The following SCFD1 variants were observed in gnomAD, a reference collection of about 807,000 sequenced individuals.
SCFD1 encodes sec1 family domain containing 1.
SCFD1 carries 37 observed loss-of-function variants against 103.2 expected under a neutral mutation model. The observed-to-expected ratio is 0.36, with a 90% CI of 0.28 to 0.47. The LOEUF (loss-of-function observed/expected upper bound fraction) is 0.47. SCFD1 is among the 20% of genes least tolerant of loss of function. The pLI is 1.00. For missense variants in SCFD1, 639 were observed against 761.2 expected (o/e 0.84, Z 1.89); for synonymous variants, 264 against 245.0 (o/e 1.08, Z -0.73).
At chr14:30,640,694 G>A (rs1481348372) in intron 6 of SCFD1, among the ~76,000 whole-genome samples, 1 of 151,198 alleles carries the variant, frequency 6.6e-6, no homozygotes, top group East Asian at 1.9e-4. Context: ...TTTTTTTTTA[G>A]GTACTGTACT....
At chr14:30,646,130 A>G (rs764355390) in intron 7 of SCFD1, among the ~76,000 whole-genome samples, 2 of 152,092 alleles carry the variant, frequency 1.3e-5, no homozygotes, top group Non-Finnish European at 2.9e-5. Context: ...GATTCAAGCA[A>G]TTCTGCCTCA....
intron 13 of SCFD1, among the ~76,000 whole-genome samples, 179 bp from the exon 14 acceptor site, chr14:30,674,805 G>C (rs529136375): frequency 6.6e-6 from 1 of 152,178 alleles, no homozygotes; most frequent in African/African-American, 2.4e-5. Flanking sequence ...CATTTCACCT[G>C]TATTAATAAA....
intron 1 of SCFD1, among the ~76,000 whole-genome samples, chr14:30,627,699 C>T (rs185150665): frequency 2.4e-3 from 346 of 146,822 alleles, no homozygotes; most frequent in African/African-American, 8.1e-3. Context: ...GCCGAGATCA[C>T]GCCATTGCAC....
intron 23 of SCFD1, among the ~76,000 whole-genome samples, chr14:30,727,604 C>T (rs1465781960): frequency 6.6e-6 from 1 of 152,130 alleles, no homozygotes. Context: ...TCTCTTGCTC[C>T]CAGGCTCTTA....
intron 4 of SCFD1, among the ~76,000 whole-genome samples, chr14:30,636,254 C>T (rs892745862): frequency 6.6e-6 from 1 of 151,674 alleles, no homozygotes; most frequent in African/African-American, 2.4e-5. Flanking sequence ...TTTGATGAAG[C>T]CCAGTTTATC....
At chr14:30,670,682 A>G (rs1157467950) in intron 11 of SCFD1, among the ~76,000 whole-genome samples, 2 of 152,068 alleles carry the variant, frequency 1.3e-5, no homozygotes, top group Non-Finnish European at 2.9e-5. Context: ...CACTGACTCT[A>G]TAAGACCATC....
In SCFD1 at chr14:30,643,417, A is replaced by G. The variant is rs1201221607; in HGVS notation, c.613+12A>G. The G allele has an allele frequency of 1.3e-6, 2 of 1,535,898 alleles. No homozygotes were observed. Among genetic ancestry groups the G allele is most frequent in the Non-Finnish European group, 1.8e-6 (2 of 1,108,924 alleles). On this transcript the variant is annotated intron_variant, in intron 7 of 24. Coordinates refer to ENST00000458591, the MANE Select transcript of SCFD1 (RefSeq NM_016106.4). ...TTTTGTTACTCTGGGTAAGTTTTCCAGTCTTTCTGGTTATTCTTCAAAGTA... is the reference window on the plus strand; with the variant it reads ...TTTTGTTACTCTGGGTAAGTTTTCCGGTCTTTCTGGTTATTCTTCAAAGTA...
At chr14:30,719,268 A>G in intron 20 of SCFD1, 57 bp from the exon 21 acceptor site, 1 of 1,115,310 alleles carries the variant, frequency 9.0e-7, no homozygotes, top group Admixed American at 2.1e-5. Context: ...TCTAAGCCAA[A>G]CTGACCTTCT....
At chr14:30,630,692 T>C (rs1884020520) in intron 3 of SCFD1, 127 bp downstream of exon 3, 1 of 605,342 alleles carries the variant, frequency 1.7e-6, no homozygotes, top group Non-Finnish European at 2.9e-6. Context: ...ATTCAACCCC[T>C]TATTTCTGGG....
At chr14:30,676,779 TAAAG>T (rs965891275) in intron 14 of SCFD1, 34 of 152,258 alleles carry the variant, frequency 2.2e-4, no homozygotes, top group Non-Finnish European at 4.3e-4. Flanking sequence ...TGTTTTAAAA[TAAAG>T]AAGACTGTGG....
chr14:30,664,515 G>T (rs1200329335), intron 10 of SCFD1, among the ~76,000 whole-genome samples: 1 of 152,092 alleles, frequency 6.6e-6, no homozygotes, highest in East Asian at 1.9e-4. Context: ...GCAGCTCCTC[G>T]CCAGCAACGG....
At position 30,705,870 on chromosome 14, in the gene SCFD1, C is replaced by A; in HGVS notation, c.1538C>A (p.Thr513Asn). ...GCTCCGGCCAGCTATGGCAGCACTA[C>A]CACTAAACCAATGGGGTAAGTATTT... ...ASAPASYGSTTTKPMGLLSRV... is the reference protein window; with the variant it reads ...ASAPASYGSTNTKPMGLLSRV... The change falls in exon 18 of 25, where the codon ACC (threonine) becomes AAC (asparagine). Residue 513 changes from threonine to asparagine, a missense_variant. Coordinates refer to ENST00000458591, the MANE Select transcript of SCFD1 (RefSeq NM_016106.4). The A allele has an allele frequency of 6.2e-7, 1 of 1,613,090 alleles. No homozygotes were observed.
chr14:30,669,535 G>C (rs2139198702), intron 10 of SCFD1, among the ~76,000 whole-genome samples: 1 of 151,052 alleles, frequency 6.6e-6, no homozygotes, highest in Non-Finnish European at 1.5e-5. Flanking sequence ...TTGGTTTTGG[G>C]TTTTGGGGGG....
intron 10 of SCFD1, among the ~76,000 whole-genome samples, chr14:30,654,336 A>G (rs1334040637): frequency 1.3e-5 from 2 of 152,230 alleles, no homozygotes; most frequent in African/African-American, 4.8e-5. Flanking sequence ...ATTACACTAT[A>G]TAATCATATC....
At chr14:30,641,989 G>A (rs1171824794) in intron 6 of SCFD1, among the ~76,000 whole-genome samples, 1 of 152,172 alleles carries the variant, frequency 6.6e-6, no homozygotes, top group East Asian at 1.9e-4. Flanking sequence ...GTAAGTCAAG[G>A]TCTTTGTCAA....
chr14:30,643,819 A>C lies in SCFD1; in HGVS notation c.613+414A>C. On this transcript the variant is annotated intron_variant, in intron 7 of 24. Transcript: ENST00000458591. ...CAGAAAACATTATGTATGTAATACT[A>C]ATCTACCTATACCTTCAAATTTTAT... 1.3e-5 allele frequency: 5 copies of C among 383,878 alleles called. 1 individual carries two copies. Among genetic ancestry groups the C allele is most frequent in the South Asian group, 1.1e-4 (5 of 46,238 alleles). The allele number at this position is 383,878 out of a possible 1,614,324, so 23.8% of individuals were successfully genotyped here. A position where few individuals can be genotyped will look rare whatever the true frequency, so the allele number is the denominator to read the frequency against.
intron 10 of SCFD1, among the ~76,000 whole-genome samples, chr14:30,660,496 T>C (rs997790616): frequency 6.6e-6 from 1 of 152,196 alleles, no homozygotes; most frequent in Non-Finnish European, 1.5e-5. Context: ...TCTCCATAAA[T>C]CTTTTACCTA....
chr14:30,727,933 G>A (rs970528752), intron 23 of SCFD1, among the ~76,000 whole-genome samples: 1 of 152,160 alleles, frequency 6.6e-6, no homozygotes, highest in African/African-American at 2.4e-5. Flanking sequence ...TTAGATAGGT[G>A]AAAATAAAAA....
At chr14:30,622,548 G>T (rs1882951201) in intron 1 of SCFD1, 149 bp downstream of exon 1, 1 of 1,367,164 alleles carries the variant, frequency 7.3e-7, no homozygotes, top group Middle Eastern at 1.9e-4. Flanking sequence ...TTTTTGGGGA[G>T]AAGTTGCCAT....
Sources: allele counts gnomAD v4.1 joint callset (sites outside exome capture counted in the v4.1 genomes callset), GRCh38; gene constraint gnomAD v4.1.1; transcripts MANE v1.5; gene names NCBI Gene and HGNC (gene_info 2026-07-23, HGNC 2026-07-21).